The following FLII variants were observed in gnomAD, a reference collection of about 807,000 sequenced individuals.
The protein encoded by FLII is protein flightless-1 homolog.
A neutral mutation model predicts 156.2 loss-of-function variants in FLII; 101 were observed. The observed-to-expected ratio is 0.65, with a 90% CI of 0.55 to 0.76. The LOEUF (loss-of-function observed/expected upper bound fraction) is 0.76, where lower values mean the gene tolerates loss of function less well. FLII is among the 30% of genes least tolerant of loss of function. FLII has a pLI of 0.00. For missense variants in FLII, 1,675 were observed against 1,682.8 expected, an observed-to-expected ratio of 1.00 and a Z score of 0.08; for synonymous variants, 767 against 685.8, an observed-to-expected ratio of 1.12 and a Z score of -1.85.
chr17:18,257,205 G>A (rs150722958), intron 1 of FLII, 186 bp from the exon 2 acceptor site: 20 of 552,150 alleles, frequency 3.6e-5, no homozygotes, highest in Admixed American at 1.4e-4. Flanking sequence ...AAGCCCCCCC[G>A]TGACAAAAGT....
In FLII at chr17:18,247,787, A is replaced by G. The variant is rs1184135674; in HGVS notation, c.2357T>C (p.Ile786Thr). Residue 786 changes from isoleucine to threonine, a missense_variant, in exon 20 of 30, where the codon ATC (isoleucine) becomes ACC (threonine). By Grantham distance (89) the Ile-to-Thr change is moderately conservative (BLOSUM62 -1). Transcript: ENST00000327031. ...YILDCWSDVF[I>T]WLGRKSPRLV... ...GCGCGGGGACTTGCGGCCGAGCCAG[A>G]TGAACACGTCGGACCAACAGTCCAG... The G allele has an allele frequency of 4.3e-6, 7 of 1,611,688 alleles. No individual in the cohort carries two copies. Among genetic ancestry groups the G allele is most frequent in the Non-Finnish European group, 5.9e-6 (7 of 1,179,998 alleles).
rs997392997 is a variant in FLII at position 18,253,423 on chromosome 17, C to T, written c.891G>A (p.Leu297=). Residue 297 remains leucine (L), a synonymous_variant, in exon 9 of 30, where the codon CTG becomes CTA. Coordinates refer to ENST00000327031, the MANE Select transcript of FLII (RefSeq NM_002018.4). Reference sequence around the variant, plus strand: ...AGTCCAGCTTGTTGGAATTCAGGTACAGCTTCTTCAGCTTGCTCAGCTTGC... The same window carrying T: ...AGTCCAGCTTGTTGGAATTCAGGTATAGCTTCTTCAGCTTGCTCAGCTTGC... The part of the protein sequence containing the change: ...AICKLSKLKK[L]YLNSNKLDFD... 2 of 1,613,930 alleles carry T rather than the reference C, an allele frequency of 1.2e-6. No homozygotes were observed. The highest frequency in any genetic ancestry group is 1.3e-5 in the African/African-American group (1 of 75,064).
rs1275991091 is a variant in FLII, at chr17:18,254,581, C to A, written c.515G>T (p.Arg172Leu). Residue 172 changes from arginine to leucine, a missense_variant, in exon 6 of 30, where the codon CGC (arginine) becomes CTC (leucine). Arg to Leu is a moderately radical substitution (Grantham distance 102). Around this residue, in one of 2 missense-constraint regions of FLII, gnomAD observed 343 missense variants for 413.5 expected, o/e 0.83. Coordinates refer to ENST00000327031, the MANE Select transcript of FLII (RefSeq NM_002018.4). The stretch of plus-strand genomic sequence containing the variant: ...CACGAGCGTCTGCAGGTGCACCAGG[C>A]GGCGCATCTGCGGGGGCAGGCTCTC... ...RLESLPPQMR[R>L]LVHLQTLVLN... is the part of the protein sequence containing the mutation. The A allele has an allele frequency of 1.2e-6, 2 of 1,613,658 alleles. No homozygotes were observed. The highest frequency in any genetic ancestry group is 2.2e-5 in the East Asian group (1 of 44,882).
In FLII at chr17:18,252,514, C is replaced by T; in HGVS notation, c.1056G>A (p.Leu352=). 3.1e-6 allele frequency: 5 copies of T among 1,613,772 alleles called. No individual in the cohort carries two copies. The highest frequency in any genetic ancestry group is 4.2e-6 in the Non-Finnish European group (5 of 1,180,012). ...LRKLVLNKNH[L]VTLPEAIHFL... ...AATGGATGGCTTCTGGGAGGGTCACCAGGTGGTTCTTGTTCAGGACAAGTT... is the reference window on the plus strand; with the variant it reads ...AATGGATGGCTTCTGGGAGGGTCACTAGGTGGTTCTTGTTCAGGACAAGTT... Residue 352 remains leucine (L), a synonymous_variant, in exon 10 of 30, where the codon CTG becomes CTA. Coordinates refer to ENST00000327031, the MANE Select transcript of FLII (RefSeq NM_002018.4).
rs2048100480 is a variant in FLII at position 18,247,164 on chromosome 17, C to G, written c.2676+5G>C. On this transcript the variant is annotated splice_donor_5th_base_variant and intron_variant, in intron 21 of 29. Coordinates refer to ENST00000327031, the MANE Select transcript of FLII (RefSeq NM_002018.4). ...CCCGCGCCCCGGTCCCGGCCCTGCC[C>G]CCACCTCGGCCAGCGACATGGGCGG... is the stretch of plus-strand genomic sequence containing the variant. The G allele has an allele frequency of 6.5e-7, 1 of 1,536,414 alleles. No individual in the cohort carries two copies. Among genetic ancestry groups the G allele is most frequent in the East Asian group, 2.4e-5 (1 of 42,178 alleles).
rs765941397 is a variant in FLII at position 18,254,755 on chromosome 17, C to G, written c.413+14G>C. 6.2e-6 allele frequency: 10 copies of G among 1,613,934 alleles called. No individual in the cohort carries two copies. Among genetic ancestry groups the G allele is most frequent in the Admixed American group, 1.7e-5 (1 of 60,002 alleles). ...CAGGGCCCACCTGCCCCCTGCCCCC[C>G]ACTGGCCTGGCACCTGTTGTGGCTG... On this transcript the variant is annotated intron_variant, in intron 5 of 29. Coordinates refer to ENST00000327031, the MANE Select transcript of FLII (RefSeq NM_002018.4).
Position 18,246,844 on chromosome 17 carries a change from G to C in FLII, c.2817-16C>G. On this transcript the variant is annotated splice_polypyrimidine_tract_variant and intron_variant, in intron 22 of 29. Coordinates refer to ENST00000327031, the MANE Select transcript of FLII (RefSeq NM_002018.4). The stretch of plus-strand genomic sequence containing the variant: ...CACCCAGTACCTGCCGGGTTGGAAG[G>C]TTGTGAGCAGGGGCTCGAGCCCCCA... The C allele has an allele frequency of 5.0e-6, 8 of 1,614,016 alleles. No individual in the cohort carries two copies. Among genetic ancestry groups the C allele is most frequent in the Non-Finnish European group, 6.8e-6 (8 of 1,179,942 alleles).
In FLII at chr17:18,245,805, T is replaced by G. The variant is rs769640403; in HGVS notation, c.3442A>C (p.Ile1148Leu). The part of the protein sequence containing the change: ...EEPENFFWVG[I>L]GAQKPYDDDA... ...TCATCATAGGGCTTCTGTGCCCCAA[T>G]GCCCACCCAGAAGAAGTTCTCAGGC... Residue 1148 changes from isoleucine to leucine, a missense_variant, in exon 27 of 30, where the codon ATT (isoleucine) becomes CTT (leucine). Around this residue, in one of 2 missense-constraint regions of FLII, gnomAD observed 1,332 missense variants for 1,269.3 expected, o/e 1.05. Transcript: ENST00000327031. 1.2e-5 allele frequency: 20 copies of G among 1,614,030 alleles called. No individual in the cohort carries two copies. The highest frequency in any genetic ancestry group is 1.5e-5 in the Non-Finnish European group (18 of 1,179,986).
At chr17:18,247,122 T>TGGGG in intron 21 of FLII, 47 bp downstream of exon 21, 7 of 1,011,264 alleles carry the variant, frequency 6.9e-6, no homozygotes, top group Non-Finnish European at 9.3e-6. Flanking sequence ...GCCCTCGGCC[T>TGGGG]GCCCCCCACC....
chr17:18,256,452 T>C lies in FLII; in HGVS notation c.246+74A>G, dbSNP rs1274128728. 7 of 1,232,212 alleles carry C rather than the reference T, an allele frequency of 5.7e-6. No homozygotes were observed. The South Asian group carries it at 6.5e-5, about 11-fold the overall frequency. 76.3% of individuals were successfully genotyped at this position (1,232,212 alleles called of 1,614,324 possible). A position where few individuals can be genotyped will look rare whatever the true frequency, so the allele number is the denominator to read the frequency against. ...AGAAATGCTGGCCCAGCTTGGTGTC[T>C]AGCCCAGGCTTCACGTCCCTGACCG... is the stretch of plus-strand genomic sequence containing the variant. On this transcript the variant is annotated intron_variant, in intron 3 of 29. Coordinates refer to ENST00000327031, the MANE Select transcript of FLII (RefSeq NM_002018.4).
chr17:18,251,068 A>G, intron 13 of FLII, 51 bp from the exon 14 acceptor site: 5 of 1,558,120 alleles, frequency 3.2e-6, no homozygotes, highest in Non-Finnish European at 4.3e-6. Context: ...TCTTCCGGCC[A>G]CCCCGGAGAC....
At position 18,249,208 on chromosome 17, in the gene FLII, G is replaced by GC. The variant is rs1183735680; in HGVS notation, c.1860-8dup. On this transcript the variant is annotated splice_region_variant and splice_polypyrimidine_tract_variant and intron_variant, in intron 15 of 29. Transcript: ENST00000327031. ...CCCATACACACGATACATCCTGGGC[G>GC]CAGGGCAAGAGTGGCTCAGTGTAGG... The GC allele has an allele frequency of 1.1e-5, 17 of 1,613,990 alleles. No individual in the cohort carries two copies. The highest frequency in any genetic ancestry group is 1.2e-5 in the Non-Finnish European group (14 of 1,180,008).
At chr17:18,250,199 A>G (rs967869193) in intron 14 of FLII, among the ~76,000 whole-genome samples, 1 of 152,176 alleles carries the variant, frequency 6.6e-6, no homozygotes, top group South Asian at 2.1e-4. Flanking sequence ...GGACACGTTC[A>G]CCCACGTTTG....
At position 18,245,923 on chromosome 17, in the gene FLII, C is replaced by T. The variant is rs200315491; in HGVS notation, c.3396+11G>A. On this transcript the variant is annotated intron_variant, in intron 26 of 29. Transcript: ENST00000327031. The stretch of plus-strand genomic sequence containing the variant: ...CTCTGTGTGTGCCCGCCTGCCCGCC[C>T]GCCTCCTGACCTGCTTGCTGTAGGA... 8 of 1,613,660 alleles carry T rather than the reference C, an allele frequency of 5.0e-6. No homozygotes were observed. The highest frequency in any genetic ancestry group is 1.7e-5 in the Admixed American group (1 of 59,984).
chr17:18,250,884 C>G lies in FLII; in HGVS notation c.1730G>C (p.Arg577Pro), dbSNP rs770614945. 6.2e-7 allele frequency: 1 copy of G among 1,613,916 alleles called. No homozygotes were observed. The highest frequency in any genetic ancestry group is 1.3e-5 in the African/African-American group (1 of 74,926). ...NLRNYLGAEC[R>P]TVREEMGDES... ...ATCGCCCATCTCCTCCCGGACAGTGCGGCACTCAGCACCCAGGTAGTTGCG... is the reference window on the plus strand; with the variant it reads ...ATCGCCCATCTCCTCCCGGACAGTGGGGCACTCAGCACCCAGGTAGTTGCG... The change falls in exon 14 of 30, where the codon CGC becomes CCC. Residue 577 changes from arginine (R) to proline (P), a missense_variant. By Grantham distance (103) the Arg-to-Pro change is moderately radical. Around this residue, in one of 2 missense-constraint regions of FLII, gnomAD observed 1,332 missense variants for 1,269.3 expected, o/e 1.05. Coordinates refer to ENST00000327031, the MANE Select transcript of FLII (RefSeq NM_002018.4).
At chr17:18,249,047 C>A in intron 16 of FLII, 80 bp downstream of exon 16, 1 of 1,425,182 alleles carries the variant, frequency 7.0e-7, no homozygotes, top group Non-Finnish European at 9.9e-7. Flanking sequence ...GCCTCCTCTT[C>A]TAAGAGGCCC....
Position 18,249,389 on chromosome 17 carries a change from G to A in FLII, c.1796C>T (p.Ser599Phe), listed in dbSNP as rs761289215. The change falls in exon 15 of 30, where the codon TCC (serine) becomes TTC (phenylalanine). Residue 599 changes from serine (S) to phenylalanine (F), a missense_variant. Ser to Phe is a radical substitution (Grantham distance 155). Around this residue, in one of 2 missense-constraint regions of FLII, gnomAD observed 1,332 missense variants for 1,269.3 expected, o/e 1.05. Coordinates refer to ENST00000327031, the MANE Select transcript of FLII (RefSeq NM_002018.4). Reference sequence around the variant, plus strand: ...ACTGGCTGTTCCACCCTCAATGTAGGAGATGTCGTTGTCAAACACCTGTGT... The same window carrying A: ...ACTGGCTGTTCCACCCTCAATGTAGAAGATGTCGTTGTCAAACACCTGTGT... ...EFLQVFDNDI[S>F]YIEGGTASGF... 6.1e-5 allele frequency: 98 copies of A among 1,613,984 alleles called. No individual in the cohort carries two copies. The highest frequency in any genetic ancestry group is 8.2e-5 in the Non-Finnish European group (97 of 1,179,998).
At position 18,254,231 on chromosome 17, in the gene FLII, T is replaced by C. The variant is rs765529958; in HGVS notation, c.576-49A>G. The C allele has an allele frequency of 2.8e-6, 4 of 1,449,562 alleles. No individual in the cohort carries two copies. In the East Asian group the frequency reaches 9.4e-5, roughly 34 times the overall value. The allele number at this position is 1,449,562 out of a possible 1,614,324, so 89.8% of individuals were successfully genotyped here. On this transcript the variant is annotated intron_variant, in intron 6 of 29. Coordinates refer to ENST00000327031, the MANE Select transcript of FLII (RefSeq NM_002018.4). ...AGGGCCAGGGCCCACCTAGGGAGTG[T>C]TAAGGGTGGGGCTTGGCAGGGCAGG...
chr17:18,247,675 G>C lies in FLII; in HGVS notation c.2469C>G (p.Leu823=), dbSNP rs1158958630. ...AGCGCACCTGCGCCTCGGTGCCCTC[G>C]AGGCTGCGGCTGACCGTGGCATGGC... ...RPRHATVSRS[L]EGTEAQVFKA... The change falls in exon 20 of 30, where the codon CTC becomes CTG. Residue 823 remains leucine (L), a synonymous_variant. Coordinates refer to ENST00000327031, the MANE Select transcript of FLII (RefSeq NM_002018.4). The C allele has an allele frequency of 6.3e-7, 1 of 1,594,826 alleles. No homozygotes were observed. Among genetic ancestry groups the C allele is most frequent in the Non-Finnish European group, 8.5e-7 (1 of 1,175,692 alleles).
Sources: allele counts gnomAD v4.1 joint callset (sites outside exome capture counted in the v4.1 genomes callset), GRCh38; gene constraint gnomAD v4.1.1; regional missense constraint gnomAD v4.1.1; transcripts MANE v1.5; gene names NCBI Gene and HGNC (gene_info 2026-07-23, HGNC 2026-07-21).